Variants in GLIS3 observed in about 807,000 individuals in gnomAD.
The protein encoded by GLIS3 is GLIS family zinc finger 3.
In GLIS3, 53 loss-of-function variants were observed where a neutral mutation model predicts 78.6. The ratio of observed to expected loss-of-function variants is 0.67; its 90% CI spans 0.54 to 0.85. The LOEUF is 0.85. GLIS3 is among the 40% of genes least tolerant of loss of function. The probability of loss-of-function intolerance (pLI) is 0.00; values close to 1 mark genes in which losing one functional copy is unlikely to be tolerated. For synonymous variants in GLIS3, 684 were observed against 509.9 expected, an observed-to-expected ratio of 1.34 and a Z score of -4.60; for missense variants, 1,703 against 1,231.1, an observed-to-expected ratio of 1.38 and a Z score of -5.74.
chr9:3,847,738 T>A (rs1402864003), intron 9 of GLIS3, among the ~76,000 whole-genome samples: 1 of 152,240 alleles, frequency 6.6e-6, no homozygotes, highest in Non-Finnish European at 1.5e-5. Flanking sequence ...ACACCTAAAA[T>A]TAACTTTTGT....
chr9:3,994,332 T>C (rs1015782105), intron 4 of GLIS3, among the ~76,000 whole-genome samples: 7 of 152,202 alleles, frequency 4.6e-5, no homozygotes, highest in African/African-American at 1.7e-4. Context: ...CGGGCACAGC[T>C]GCCCTCTTTA....
chr9:3,926,363 T>C (rs971513061), intron 6 of GLIS3, among the ~76,000 whole-genome samples: 3 of 151,454 alleles, frequency 2.0e-5, no homozygotes, highest in Admixed American at 2.0e-4. Flanking sequence ...CCAGAGTAGC[T>C]GGGACTAAAG....
At chr9:4,373,463 T>C in the GLIS3 span, among the ~76,000 whole-genome samples, 1 of 152,158 alleles carries the variant, frequency 6.6e-6, no homozygotes, top group African/African-American at 2.4e-5. Context: ...CATCCAGCAT[T>C]GGGGAACAAA....
chr9:4,440,842 T>G, the GLIS3 span, among the ~76,000 whole-genome samples: 1 of 152,174 alleles, frequency 6.6e-6, no homozygotes, highest in East Asian at 1.9e-4. Context: ...TTTCATCAGT[T>G]TTTTTGTAGT....
intron 4 of GLIS3, among the ~76,000 whole-genome samples, chr9:4,083,365 T>C (rs1167074942): frequency 6.6e-6 from 1 of 152,142 alleles, no homozygotes; most frequent in Non-Finnish European, 1.5e-5. Flanking sequence ...CCATAATCCT[T>C]ACCACAGCCC....
chr9:4,079,517 T>C (rs1205638573), intron 4 of GLIS3, among the ~76,000 whole-genome samples: 1 of 152,182 alleles, frequency 6.6e-6, no homozygotes, highest in Admixed American at 6.5e-5. Context: ...TCCAGCAATG[T>C]TCCTGTCATC....
At chr9:4,130,969 C>T (rs1331008640) in intron 2 of GLIS3, among the ~76,000 whole-genome samples, 1 of 152,220 alleles carries the variant, frequency 6.6e-6, no homozygotes, top group Non-Finnish European at 1.5e-5. Flanking sequence ...TGCCCAAGGC[C>T]TTAGGAGCCC....
the GLIS3 span, among the ~76,000 whole-genome samples, chr9:4,417,419 A>G: frequency 6.6e-6 from 1 of 152,212 alleles, no homozygotes. Flanking sequence ...CATATTTTGT[A>G]TACCATGCTT....
At chr9:4,064,869 G>A (rs1263357042) in intron 4 of GLIS3, among the ~76,000 whole-genome samples, 2 of 152,212 alleles carry the variant, frequency 1.3e-5, no homozygotes, top group Non-Finnish European at 2.9e-5. Flanking sequence ...AAGAGAGCAT[G>A]TTAACTAGGT....
In GLIS3 at chr9:3,842,207, C is replaced by G. The variant is rs1221847080; in HGVS notation, c.2474-12715G>C. Among the ~76,000 whole-genome samples, 4 of 152,130 alleles carry G rather than the reference C, an allele frequency of 2.6e-5. No homozygotes were observed. The East Asian group carries it at 7.7e-4, about 29-fold the overall frequency. On this transcript the variant is annotated intron_variant, in intron 9 of 10. Coordinates refer to ENST00000381971, the MANE Select transcript of GLIS3 (RefSeq NM_001042413.2). ...AGACTTCCCCAGCTGGGTGCGGTGG[C>G]TCACATCTGTAATCCCAGCATGTTG... is the stretch of plus-strand genomic sequence containing the variant.
chr9:4,243,685 A>G (rs1259056618), intron 2 of GLIS3, among the ~76,000 whole-genome samples: 1 of 152,220 alleles, frequency 6.6e-6, no homozygotes, highest in African/African-American at 2.4e-5. Context: ...GTGGATCACT[A>G]AGGAAAATCA....
At chr9:4,488,107 T>TGTTG in the GLIS3 span, among the ~76,000 whole-genome samples, 113,496 of 151,436 alleles carry the variant, frequency 0.75, 42,599 homozygotes, top group East Asian at 0.9. Flanking sequence ...TTCGTCTGTT[T>TGTTG]GTTGGTTGGT....
At chr9:4,055,019 A>G (rs1826030687) in intron 4 of GLIS3, among the ~76,000 whole-genome samples, 1 of 151,506 alleles carries the variant, frequency 6.6e-6, no homozygotes, top group African/African-American at 2.4e-5. Context: ...AAAAATCATG[A>G]TTATGGTACT....
chr9:3,833,862 G>T (rs572399445), intron 9 of GLIS3, among the ~76,000 whole-genome samples: 2 of 152,108 alleles, frequency 1.3e-5, no homozygotes, highest in Non-Finnish European at 2.9e-5. Context: ...AGTTCCCAAA[G>T]GTCAAGGAGA....
chr9:4,327,384 G>C (rs1032491210), intron 2 of GLIS3, among the ~76,000 whole-genome samples: 1 of 152,122 alleles, frequency 6.6e-6, no homozygotes, highest in African/African-American at 2.4e-5. Flanking sequence ...TCCAGTTTGA[G>C]CTTTGGAAAG....
intron 4 of GLIS3, among the ~76,000 whole-genome samples, chr9:4,034,276 T>C (rs1345949300): frequency 6.6e-6 from 1 of 152,054 alleles, no homozygotes; most frequent in Non-Finnish European, 1.5e-5. Flanking sequence ...CAAGGCATAA[T>C]ACCAACAGAA....
chr9:4,394,200 A>G, the GLIS3 span, among the ~76,000 whole-genome samples: 2 of 152,016 alleles, frequency 1.3e-5, no homozygotes, highest in African/African-American at 4.8e-5. Flanking sequence ...AAAGCCCAGG[A>G]TGGCTTGAGG....
At chr9:4,285,050 T>G (rs988114853) in intron 2 of GLIS3, among the ~76,000 whole-genome samples, 1 of 152,226 alleles carries the variant, frequency 6.6e-6, no homozygotes, top group African/African-American at 2.4e-5. Context: ...ACTTGACTGA[T>G]AGAAATCATT....
chr9:3,828,307 G>A lies in GLIS3; in HGVS notation c.2758C>T (p.Pro920Ser). The A allele has an allele frequency of 6.2e-7, 1 of 1,614,142 alleles. No individual in the cohort carries two copies. Among genetic ancestry groups the A allele is most frequent in the Non-Finnish European group, 8.5e-7 (1 of 1,180,020 alleles). ...GTGTAGACAGAGGAGAGCTGGCTAG[G>A]ACAGCGGTCCACGGTGCTGATCTGC... ...FLQISTVDRC[P>S]SQLSSVYTEG is the part of the protein sequence containing the mutation. The change falls in exon 11 of 11, where the codon CCT (proline) becomes TCT (serine). Residue 920 changes from proline to serine, a missense_variant. Pro to Ser is a moderately conservative substitution (Grantham distance 74, BLOSUM62 -1). Coordinates refer to ENST00000381971, the MANE Select transcript of GLIS3 (RefSeq NM_001042413.2).
Sources: allele counts gnomAD v4.1 joint callset (sites outside exome capture counted in the v4.1 genomes callset), GRCh38; gene constraint gnomAD v4.1.1; transcripts MANE v1.5; gene names NCBI Gene and HGNC (gene_info 2026-07-23, HGNC 2026-07-21).